Variants in CNOT6 observed in about 807,000 individuals in gnomAD.
The protein encoded by CNOT6 is CCR4-NOT transcription complex subunit 6.
In CNOT6, 12 loss-of-function variants were observed where a neutral mutation model predicts 61.2. The observed-to-expected ratio is 0.20, with a 90% CI of 0.13 to 0.32. The LOEUF is 0.32. CNOT6 is among the 10% of genes least tolerant of loss of function. The pLI is 1.00. For missense variants in CNOT6, 405 were observed against 663.9 expected (o/e 0.61, Z 4.28); for synonymous variants, 225 against 240.6 (o/e 0.94, Z 0.60).
intron 1 of CNOT6, among the ~76,000 whole-genome samples, chr5:180,523,941 A>C (rs980717431): frequency 1.3e-5 from 2 of 152,222 alleles, no homozygotes; most frequent in African/African-American, 4.8e-5. Context: ...GCTGTTTCAT[A>C]AGCAGATCTG....
intron 9 of CNOT6, among the ~76,000 whole-genome samples, chr5:180,568,230 CTTTT>C (rs10601026): frequency 1.0e-4 from 15 of 144,528 alleles, no homozygotes; most frequent in Non-Finnish European, 9.0e-5. Flanking sequence ...ATTAAAAAAC[CTTTT>C]TTTTTTTTTT....
At chr5:180,551,697 C>G (rs1306478514) in intron 3 of CNOT6, among the ~76,000 whole-genome samples, 1 of 152,172 alleles carries the variant, frequency 6.6e-6, no homozygotes, top group Non-Finnish European at 1.5e-5. Context: ...GGCTTTCCTG[C>G]TGCCTTCTGC....
Position 180,567,134 on chromosome 5 carries a change from A to G in CNOT6, c.764A>G (p.Lys255Arg), listed in dbSNP as rs754840583. The G allele has an allele frequency of 1.2e-6, 2 of 1,613,758 alleles. No individual in the cohort carries two copies. The highest frequency in any genetic ancestry group is 1.7e-6 in the Non-Finnish European group (2 of 1,179,874). ...TACAGTTTTTTTCTGGTAGAGCTGA[A>G]AGAACGTGGCTATAATGGATTCTTC... ...QYYSFFLVEL[K>R]ERGYNGFFSP... Residue 255 changes from lysine to arginine, a missense_variant, in exon 8 of 12, where the codon AAA (lysine) becomes AGA (arginine). By Grantham distance (26) the Lys-to-Arg change is conservative. Around this residue, in one of 5 missense-constraint regions of CNOT6, gnomAD observed 212 missense variants for 307.1 expected, o/e 0.69. Transcript: ENST00000261951.
chr5:180,570,991 G>A (rs965317985), intron 10 of CNOT6, among the ~76,000 whole-genome samples: 1 of 152,158 alleles, frequency 6.6e-6, no homozygotes, highest in African/African-American at 2.4e-5. Flanking sequence ...CAATTGCATT[G>A]TGCAGCCATT....
rs188802606 is a variant in CNOT6, at chr5:180,577,499, C to G, written c.*3299C>G. 6.5e-6 allele frequency: 1 copy of G among 152,672 alleles called. No individual in the cohort carries two copies. Among genetic ancestry groups the G allele is most frequent in the Admixed American group, 6.5e-5 (1 of 15,286 alleles). The allele number at this position is 152,672 out of a possible 1,614,324, so 9.5% of individuals were successfully genotyped here. A position where few individuals can be genotyped will look rare whatever the true frequency, so the allele number is the denominator to read the frequency against. On this transcript the variant is annotated 3_prime_UTR_variant, in exon 12 of 12. Coordinates refer to ENST00000261951, the MANE Select transcript of CNOT6 (RefSeq NM_001370472.1). ...TTTTTCAGTGAAGCTCTCAGAATGT[C>G]CAGTACAGATGTTGCAGATAATTCC...
At chr5:180,500,272 G>C (rs1049834903) in intron 1 of CNOT6, among the ~76,000 whole-genome samples, 3 of 151,742 alleles carry the variant, frequency 2.0e-5, no homozygotes, top group African/African-American at 7.3e-5. Flanking sequence ...CACCACACCT[G>C]GCTGATTTTT....
chr5:180,575,742 A>G lies in CNOT6; in HGVS notation c.*1542A>G, dbSNP rs1012736026. The G allele has an allele frequency of 1.3e-5, 2 of 152,634 alleles. No homozygotes were observed. Among genetic ancestry groups the G allele is most frequent in the South Asian group, 2.1e-4 (1 of 4,836 alleles). The allele number at this position is 152,634 out of a possible 1,614,324, so 9.5% of individuals were successfully genotyped here. A position where few individuals can be genotyped will look rare whatever the true frequency, so the allele number is the denominator to read the frequency against. ...TATTCATTCTTCTCTCAAAAGTCAAATGAATGCAGAGGGAGCTTGGTCAAA... is the reference window on the plus strand; with the variant it reads ...TATTCATTCTTCTCTCAAAAGTCAAGTGAATGCAGAGGGAGCTTGGTCAAA... On this transcript the variant is annotated 3_prime_UTR_variant, in exon 12 of 12. Transcript: ENST00000261951.
chr5:180,565,966 G>A lies in CNOT6; in HGVS notation c.706G>A (p.Val236Ile), dbSNP rs745627154. ...AATCTTGAGCTGCAATGCTGATATC[G>A]TAAGTCTTCAGGTAAGTCAGACAGA... The part of the protein sequence containing the change: ...QEILSCNADI[V>I]SLQEVETEQY... The change falls in exon 7 of 12, where the codon GTA becomes ATA. Residue 236 changes from valine to isoleucine, a missense_variant. By Grantham distance (29) the Val-to-Ile change is conservative. Around this residue, in one of 5 missense-constraint regions of CNOT6, gnomAD observed 212 missense variants for 307.1 expected, o/e 0.69. Coordinates refer to ENST00000261951, the MANE Select transcript of CNOT6 (RefSeq NM_001370472.1). 6 of 1,612,756 alleles carry A rather than the reference G, an allele frequency of 3.7e-6. No homozygotes were observed. Among genetic ancestry groups the A allele is most frequent in the Middle Eastern group, 1.7e-4 (1 of 6,050 alleles).
In CNOT6 at chr5:180,577,529, A is replaced by C. The variant is rs1168577707; in HGVS notation, c.*3329A>C. Reference sequence around the variant, plus strand: ...ACAGATGTTGCAGATAATTCCAAGAACTCCTTCAGCAGGTGTTCTTCACCA... The same window carrying C: ...ACAGATGTTGCAGATAATTCCAAGACCTCCTTCAGCAGGTGTTCTTCACCA... On this transcript the variant is annotated 3_prime_UTR_variant, in exon 12 of 12. Transcript: ENST00000261951. 6.6e-6 allele frequency: 1 copy of C among 152,422 alleles called. No homozygotes were observed. The highest frequency in any genetic ancestry group is 1.5e-5 in the Non-Finnish European group (1 of 67,986). 9.4% of individuals were successfully genotyped at this position (152,422 alleles called of 1,614,324 possible).
At chr5:180,554,280 T>C (rs961495788) in intron 4 of CNOT6, among the ~76,000 whole-genome samples, 2 of 152,184 alleles carry the variant, frequency 1.3e-5, no homozygotes, top group Admixed American at 1.3e-4. Flanking sequence ...CAGCTTGGCA[T>C]GGTGGTTCCC....
chr5:180,530,671 T>A (rs1758311394), intron 2 of CNOT6, among the ~76,000 whole-genome samples: 1 of 151,702 alleles, frequency 6.6e-6, no homozygotes, highest in African/African-American at 2.4e-5. Context: ...CAGATAAACA[T>A]GTGAACAAGG....
chr5:180,531,139 C>T (rs1286341514), intron 2 of CNOT6, among the ~76,000 whole-genome samples: 4 of 128,764 alleles, frequency 3.1e-5, no homozygotes, highest in Non-Finnish European at 7.1e-5. Context: ...CCAGACCGGG[C>T]GGCTGGGCGG....
intron 1 of CNOT6, among the ~76,000 whole-genome samples, chr5:180,527,437 T>G (rs563227050): frequency 6.6e-6 from 1 of 152,184 alleles, no homozygotes; most frequent in Non-Finnish European, 1.5e-5. Context: ...TTTAAAAAAA[T>G]TTTTAATTGT....
chr5:180,565,109 A>T (rs999822724), intron 6 of CNOT6, among the ~76,000 whole-genome samples: 2 of 152,206 alleles, frequency 1.3e-5, no homozygotes, highest in Admixed American at 6.5e-5. Flanking sequence ...CCCACAACAG[A>T]CTTCACCTGA....
At chr5:180,527,852 C>T (rs1184654922) in intron 1 of CNOT6, among the ~76,000 whole-genome samples, 2 of 152,168 alleles carry the variant, frequency 1.3e-5, no homozygotes, top group African/African-American at 4.8e-5. Context: ...CAAGGTCCAC[C>T]CCGTCAGATC....
intron 4 of CNOT6, among the ~76,000 whole-genome samples, chr5:180,557,271 A>C (rs1177039620): frequency 6.6e-6 from 1 of 152,212 alleles, no homozygotes; most frequent in Non-Finnish European, 1.5e-5. Context: ...CCAGGAGTGC[A>C]GTTACTGGGT....
At chr5:180,498,946 C>A (rs116228853) in intron 1 of CNOT6, among the ~76,000 whole-genome samples, 1 of 152,154 alleles carries the variant, frequency 6.6e-6, no homozygotes, top group Non-Finnish European at 1.5e-5. Context: ...CCTGCCACCA[C>A]GCCGACTAAT....
chr5:180,571,456 T>G lies in CNOT6; in HGVS notation c.1461+24T>G, dbSNP rs1442147092. ...AGGTGTGTCTTGAGACTGATAAGCT[T>G]TTCAAACCTGTCTTTTACTGGCAGG... On this transcript the variant is annotated intron_variant, in intron 11 of 11. Coordinates refer to ENST00000261951, the MANE Select transcript of CNOT6 (RefSeq NM_001370472.1). 4 of 1,567,454 alleles carry G rather than the reference T, an allele frequency of 2.6e-6. No homozygotes were observed. The Admixed American group carries it at 6.7e-5, about 26-fold the overall frequency.
chr5:180,526,558 A>G (rs1347891800), intron 1 of CNOT6, among the ~76,000 whole-genome samples: 1 of 152,160 alleles, frequency 6.6e-6, no homozygotes, highest in Non-Finnish European at 1.5e-5. Context: ...TTGAAGACAG[A>G]AGTCATCTAG....
Sources: allele counts gnomAD v4.1 joint callset (sites outside exome capture counted in the v4.1 genomes callset), GRCh38; gene constraint gnomAD v4.1.1; regional missense constraint gnomAD v4.1.1; transcripts MANE v1.5; gene names NCBI Gene and HGNC (gene_info 2026-07-23, HGNC 2026-07-21).